MYO1D: variants seen among roughly 807,000 people sequenced by gnomAD.
MYO1D encodes the protein unconventional myosin-Id.
Under a neutral mutation model 122.0 loss-of-function variants are expected in MYO1D, and 83 were observed. The observed-to-expected ratio is 0.68, with a 90% CI of 0.57 to 0.82. MYO1D has a LOEUF of 0.82. Ranked by LOEUF, MYO1D falls within the 40% of genes least tolerant of loss-of-function variation. The pLI is 0.00. For synonymous variants in MYO1D, 464 were observed against 446.9 expected (o/e 1.04, Z -0.48); for missense variants, 1,157 against 1,269.5 (o/e 0.91, Z 1.35).
chr17:32,830,345 G>A (rs1598137113), intron 1 of MYO1D: 2 of 152,270 alleles, frequency 1.3e-5, no homozygotes, highest in South Asian at 4.1e-4. Flanking sequence ...GCTTTAAATA[G>A]CATTTATCAC....
chr17:32,840,987 G>C (rs929853374), intron 1 of MYO1D, among the ~76,000 whole-genome samples: 3 of 152,114 alleles, frequency 2.0e-5, no homozygotes, highest in Non-Finnish European at 2.9e-5. Flanking sequence ...AATTACAGGA[G>C]ATATTTAACA....
intron 14 of MYO1D, among the ~76,000 whole-genome samples, chr17:32,731,959 C>T (rs1028498128): frequency 4.6e-5 from 7 of 152,242 alleles, no homozygotes; most frequent in African/African-American, 1.7e-4. Flanking sequence ...AACGTCTGGC[C>T]TCTCCCTGGT....
chr17:32,834,724 C>T (rs187246545), intron 1 of MYO1D, among the ~76,000 whole-genome samples: 118 of 152,324 alleles, frequency 7.7e-4, no homozygotes, highest in Admixed American at 7.4e-3. Flanking sequence ...TTTTCTTAAA[C>T]ATTTTTTGGC....
Position 32,638,787 on chromosome 17 carries a change from G to T in MYO1D, c.2644C>A (p.Arg882Ser), listed in dbSNP as rs545273791. 6.2e-7 allele frequency: 1 copy of T among 1,613,818 alleles called. No homozygotes were observed. The highest frequency in any genetic ancestry group is 1.7e-5 in the Admixed American group (1 of 60,010). Residue 882 changes from arginine to serine, a missense_variant, in exon 20 of 22, where the codon CGT becomes AGT. Transcript: ENST00000318217. The stretch of plus-strand genomic sequence containing the variant: ...GTGGGATCCATTTTATACAGGTGAC[G>T]GTCAGTGACAAAAATTGCTCTGTCT... Reference protein sequence around the residue: ...VEDRAIFVTDRHLYKMDPTKQ... With the variant: ...VEDRAIFVTDSHLYKMDPTKQ...
At chr17:32,694,668 T>A (rs891419356) in intron 16 of MYO1D, among the ~76,000 whole-genome samples, 9 of 121,032 alleles carry the variant, frequency 7.4e-5, no homozygotes, top group South Asian at 2.8e-4. Context: ...GCCACTGCAG[T>A]CCGCAGTCCG....
At chr17:32,559,674 C>G (rs1185289447) in intron 21 of MYO1D, among the ~76,000 whole-genome samples, 5 of 152,336 alleles carry the variant, frequency 3.3e-5, no homozygotes, top group African/African-American at 1.2e-4. Context: ...CAATTAAACT[C>G]TGTTAAATTT....
rs1237033938 is a variant in MYO1D, at chr17:32,866,934, C to T, written c.95+9844G>A. ...TTCCATAGGGCATTTTTTACCTACT[C>T]CCAATGCCATTTTTTCTTTTTCTGA... On this transcript the variant is annotated intron_variant, in intron 1 of 21. Coordinates refer to ENST00000318217, the MANE Select transcript of MYO1D (RefSeq NM_015194.3). Among the ~76,000 whole-genome samples, 5 of 152,190 alleles carry T rather than the reference C, an allele frequency of 3.3e-5. No homozygotes were observed. The East Asian group carries it at 7.7e-4, about 23-fold the overall frequency.
chr17:32,758,868 C>G (rs1056589606), intron 10 of MYO1D, among the ~76,000 whole-genome samples: 2 of 152,000 alleles, frequency 1.3e-5, no homozygotes, highest in African/African-American at 4.8e-5. Flanking sequence ...GTTTATTTAG[C>G]GAAAATTTTT....
At chr17:32,513,320 C>T (rs889148143) in intron 21 of MYO1D, among the ~76,000 whole-genome samples, 8 of 152,136 alleles carry the variant, frequency 5.3e-5, no homozygotes, top group Admixed American at 1.3e-4. Flanking sequence ...AGTGGGGTCC[C>T]GCTGGAGAGA....
chr17:32,536,060 T>A (rs1260334161), intron 21 of MYO1D, among the ~76,000 whole-genome samples: 1 of 151,588 alleles, frequency 6.6e-6, no homozygotes, highest in Non-Finnish European at 1.5e-5. Flanking sequence ...TGAGATGGAG[T>A]CTTGCTCTGT....
intron 19 of MYO1D, among the ~76,000 whole-genome samples, 199 bp downstream of exon 19, chr17:32,653,644 T>C (rs1435519460): frequency 6.6e-6 from 1 of 151,016 alleles, no homozygotes; most frequent in Non-Finnish European, 1.5e-5. Context: ...TCACTTCCCT[T>C]AGGAAGGCTT....
intron 20 of MYO1D, among the ~76,000 whole-genome samples, chr17:32,614,562 T>G (rs1488880892): frequency 6.6e-6 from 1 of 152,160 alleles, no homozygotes; most frequent in Non-Finnish European, 1.5e-5. Context: ...TGACTTTCTT[T>G]TCACCTTTCT....
At chr17:32,677,938 C>T (rs190958026) in intron 16 of MYO1D, among the ~76,000 whole-genome samples, 5 of 152,222 alleles carry the variant, frequency 3.3e-5, no homozygotes, top group East Asian at 3.9e-4. Context: ...CCTCTATAGC[C>T]GCCCTCCAGG....
chr17:32,819,436 A>G (rs1249865043), intron 1 of MYO1D, among the ~76,000 whole-genome samples: 1 of 152,164 alleles, frequency 6.6e-6, no homozygotes, highest in East Asian at 1.9e-4. Flanking sequence ...CTTTGGTGGC[A>G]GTTTCTGCTC....
At chr17:32,720,077 T>C (rs144758170) in intron 15 of MYO1D, among the ~76,000 whole-genome samples, 1 of 152,304 alleles carries the variant, frequency 6.6e-6, no homozygotes, top group African/African-American at 2.4e-5. Context: ...GCATTTTTCT[T>C]ATTTATATTT....
chr17:32,747,597 G>T (rs972288046), intron 12 of MYO1D, among the ~76,000 whole-genome samples: 1 of 152,122 alleles, frequency 6.6e-6, no homozygotes, highest in Non-Finnish European at 1.5e-5. Context: ...AGCACTTTGG[G>T]AGGCCAAGGC....
chr17:32,726,312 T>TG (rs1037737659), intron 14 of MYO1D, among the ~76,000 whole-genome samples: 1 of 151,740 alleles, frequency 6.6e-6, no homozygotes, highest in African/African-American at 2.4e-5. Context: ...CCCAGCTACT[T>TG]GGGAGGCTGA....
At chr17:32,876,718 G>A (rs1165368941) in intron 1 of MYO1D, 60 bp downstream of exon 1, 2 of 1,393,986 alleles carry the variant, frequency 1.4e-6, no homozygotes, top group African/African-American at 3.1e-5. Context: ...CGCGCCCCGA[G>A]GCGCCCCCTC....
At chr17:32,524,471 C>T (rs945325149) in intron 21 of MYO1D, among the ~76,000 whole-genome samples, 1 of 152,108 alleles carries the variant, frequency 6.6e-6, no homozygotes, top group African/African-American at 2.4e-5. Flanking sequence ...TAGCTCACTG[C>T]AGCCTCAAAC....
Sources: allele counts gnomAD v4.1 joint callset (sites outside exome capture counted in the v4.1 genomes callset), GRCh38; gene constraint gnomAD v4.1.1; transcripts MANE v1.5; gene names NCBI Gene and HGNC (gene_info 2026-07-23, HGNC 2026-07-21).